Variants in MAN2B1 observed in about 807,000 individuals in gnomAD.
MAN2B1 encodes the protein mannosidase alpha class 2B member 1.
Under a neutral mutation model 127.5 loss-of-function variants are expected in MAN2B1, and 99 were observed. The observed-to-expected ratio is 0.78, with a 90% CI of 0.66 to 0.92. MAN2B1 has a LOEUF of 0.92. Ranked by LOEUF, MAN2B1 falls within the 40% of genes least tolerant of loss-of-function variation. The pLI, the probability that MAN2B1 is intolerant of heterozygous loss-of-function variation, is 0.00. For synonymous variants in MAN2B1, 573 were observed against 568.8 expected (o/e 1.01, Z -0.11); for missense variants, 1,304 against 1,384.8 (o/e 0.94, Z 0.93).
At position 12,648,060 on chromosome 19, in the gene MAN2B1, T is replaced by C. The variant is rs550096334; in HGVS notation, c.2664+115A>G. On this transcript the variant is annotated intron_variant, in intron 21 of 23. Transcript: ENST00000456935. ...CAGGGGATGGGGTTGGCCCGAGGGT[T>C]TGGGGCTAATTATGGCCAAATGGAT... 2.5e-3 allele frequency: 2,803 copies of C among 1,114,566 alleles called. 56 individuals are homozygous for C. The South Asian group carries it at 0.035, about 14-fold the overall frequency. The allele number at this position is 1,114,566 out of a possible 1,614,324, so 69.0% of individuals were successfully genotyped here. A position where few individuals can be genotyped will look rare whatever the true frequency, so the allele number is the denominator to read the frequency against.
At chr19:12,664,069 T>A (rs1446944809) in intron 4 of MAN2B1, among the ~76,000 whole-genome samples, 2 of 152,094 alleles carry the variant, frequency 1.3e-5, no homozygotes, top group Non-Finnish European at 2.9e-5. Context: ...CTACAAAAAA[T>A]TTAAAAATTA....
At chr19:12,650,801 G>GC (rs2023827499) in intron 16 of MAN2B1, among the ~76,000 whole-genome samples, 2 of 151,738 alleles carry the variant, frequency 1.3e-5, no homozygotes, top group Non-Finnish European at 2.9e-5. Flanking sequence ...CTCCCGAGTA[G>GC]AGGGATTGCA....
At chr19:12,664,587 T>C (rs1317842871) in intron 4 of MAN2B1, among the ~76,000 whole-genome samples, 1 of 152,126 alleles carries the variant, frequency 6.6e-6, no homozygotes, top group Non-Finnish European at 1.5e-5. Flanking sequence ...CAGCCGGAGC[T>C]GGGTCAGCCT....
chr19:12,666,392 C>T, intron 1 of MAN2B1, 151 bp downstream of exon 1: 1 of 860,066 alleles, frequency 1.2e-6, no homozygotes. Context: ...ACAGCCAGAC[C>T]TCGCAATGAC....
chr19:12,648,052 C>T (rs1460783791), intron 21 of MAN2B1, 123 bp downstream of exon 21: 11 of 1,049,592 alleles, frequency 1.0e-5, no homozygotes, highest in South Asian at 9.6e-5. Flanking sequence ...TGGGGTTGGC[C>T]CGAGGGTTTG....
rs750511907 is a variant in MAN2B1, at chr19:12,666,578, G to A, written c.124C>T (p.Leu42=). 1.9e-6 allele frequency: 3 copies of A among 1,587,638 alleles called. No homozygotes were observed. Among genetic ancestry groups the A allele is most frequent in the South Asian group, 1.1e-5 (1 of 87,722 alleles). Residue 42 remains leucine, a synonymous_variant, in exon 1 of 24, where the codon CTG becomes TTG. Coordinates refer to ENST00000456935, the MANE Select transcript of MAN2B1 (RefSeq NM_000528.4). ...LPPLCFFLLL[L]AAAGARAGGY... is the part of the protein sequence containing the mutation. The stretch of plus-strand genomic sequence containing the variant: ...CCGGCCCGAGCACCGGCAGCCGCCA[G>A]CAACAAAAGGAAAAAGCAGAGAGGC...
intron 11 of MAN2B1, 32 bp downstream of exon 11, chr19:12,657,414 C>T (rs889829226): frequency 6.5e-6 from 10 of 1,528,364 alleles, no homozygotes; most frequent in African/African-American, 2.8e-5. Flanking sequence ...CCTGTCTCCA[C>T]CCCCGTGTCT....
In MAN2B1 at chr19:12,661,258, A is replaced by C. The variant is rs369099686; in HGVS notation, c.1026+2T>G. On this transcript the variant is annotated splice_donor_variant, in intron 7 of 23. Coordinates refer to ENST00000456935, the MANE Select transcript of MAN2B1 (RefSeq NM_000528.4). LOFTEE classifies it high-confidence loss of function. The stretch of plus-strand genomic sequence containing the variant: ...AGGGTACCACAGGGTAGGCGCACTG[A>C]CCTGCGCATTTACCAGCCGGATGAG... 6.2e-6 allele frequency: 10 copies of C among 1,601,304 alleles called. No homozygotes were observed. Among genetic ancestry groups the C allele is most frequent in the Non-Finnish European group, 8.6e-6 (10 of 1,168,386 alleles).
chr19:12,656,356 C>CAAA (rs372686781), intron 13 of MAN2B1: 111 of 391,094 alleles, frequency 2.8e-4, no homozygotes, highest in East Asian at 6.3e-4. Flanking sequence ...GACTCCGTCT[C>CAAA]AAAAAAAAAA....
At chr19:12,656,507 G>A in intron 13 of MAN2B1, 64 bp downstream of exon 13, 1 of 1,122,018 alleles carries the variant, frequency 8.9e-7, no homozygotes, top group Non-Finnish European at 1.4e-6. Context: ...ATCCATGGGG[G>A]CGATGAGGAA....
chr19:12,650,671 T>C (rs1353024640), intron 16 of MAN2B1, among the ~76,000 whole-genome samples: 1 of 150,376 alleles, frequency 6.6e-6, no homozygotes, highest in East Asian at 2.0e-4. Flanking sequence ...ATAATTCTTT[T>C]TTCTTTTTTT....
Position 12,650,961 on chromosome 19 carries a change from T to C in MAN2B1, c.2047-739A>G, listed in dbSNP as rs190526126. ...TGCTGGGATTACAGGCGTGAGCCAC[T>C]GCACCCGGCCTCTTTTTTTTTTTTT... On this transcript the variant is annotated intron_variant, in intron 16 of 23. Transcript: ENST00000456935. Among the ~76,000 whole-genome samples the C allele has an allele frequency of 9.6e-4, 144 of 150,288 alleles. 5 individuals are homozygous for C. Among genetic ancestry groups the C allele is most frequent in the African/African-American group, 3.4e-3 (140 of 40,622 alleles).
rs758755293 is a variant in MAN2B1, at chr19:12,646,664, G to C, written c.2992C>G (p.Arg998Gly). The C allele has an allele frequency of 6.2e-7, 1 of 1,614,072 alleles. No homozygotes were observed. Among genetic ancestry groups the C allele is most frequent in the Admixed American group, 1.7e-5 (1 of 60,014 alleles). Reference protein sequence around the residue: ...ANITLEPMEIRTFLASVQWKE... With the variant: ...ANITLEPMEIGTFLASVQWKE... The stretch of plus-strand genomic sequence containing the variant: ...CATTGAACTGAGGCCAGGAAAGTGC[G>C]GATTTCCATGGGTTCCAGCGTGATG... The change falls in exon 24 of 24, where the codon CGC (arginine) becomes GGC (glycine). Residue 998 changes from arginine to glycine, a missense_variant. Arg to Gly is a moderately radical substitution (Grantham distance 125, BLOSUM62 -2). Transcript: ENST00000456935.
At position 12,658,424 on chromosome 19, in the gene MAN2B1, A is replaced by G. The variant is rs746530901; in HGVS notation, c.1109+4T>C. 1.2e-5 allele frequency: 19 copies of G among 1,614,062 alleles called. No individual in the cohort carries two copies. Among genetic ancestry groups the G allele is most frequent in the African/African-American group, 2.7e-5 (2 of 74,934 alleles). ...CCCCCAAGCTCCCCAGTTTCCCCAA[A>G]TACCAGGTGAGGTTGGCCTTGTTCA... On this transcript the variant is annotated splice_donor_region_variant and intron_variant, in intron 8 of 23. Transcript: ENST00000456935.
rs547901419 is a variant in MAN2B1 at position 12,666,472 on chromosome 19, C to T, written c.159+71G>A. The T allele has an allele frequency of 7.2e-6, 11 of 1,529,722 alleles. No homozygotes were observed. The East Asian group carries it at 2.4e-4, about 34-fold the overall frequency. 94.8% of individuals were successfully genotyped at this position (1,529,722 alleles called of 1,614,324 possible). A position where few individuals can be genotyped will look rare whatever the true frequency, so the allele number is the denominator to read the frequency against. On this transcript the variant is annotated intron_variant, in intron 1 of 23. Coordinates refer to ENST00000456935, the MANE Select transcript of MAN2B1 (RefSeq NM_000528.4). The stretch of plus-strand genomic sequence containing the variant: ...ACTAGACACCCACAGGACAGACCCA[C>T]CCACACCTCTAGACTGTATTCTGGG...
rs2024027049 is a variant in MAN2B1, at chr19:12,658,421, C to G, written c.1109+7G>C. ...ACCCCCCCAAGCTCCCCAGTTTCCC[C>G]AAATACCAGGTGAGGTTGGCCTTGT... On this transcript the variant is annotated splice_region_variant and intron_variant, in intron 8 of 23. Coordinates refer to ENST00000456935, the MANE Select transcript of MAN2B1 (RefSeq NM_000528.4). 1 of 1,614,222 alleles carries G rather than the reference C, an allele frequency of 6.2e-7. No homozygotes were observed. The highest frequency in any genetic ancestry group is 8.5e-7 in the Non-Finnish European group (1 of 1,180,042).
At chr19:12,648,089 C>T (rs1250491427) in intron 21 of MAN2B1, 86 bp downstream of exon 21, 3 of 1,343,812 alleles carry the variant, frequency 2.2e-6, no homozygotes, top group South Asian at 1.3e-5. Context: ...AATGGATCCC[C>T]GCTGAGCCTA....
chr19:12,655,556 G>C lies in MAN2B1; in HGVS notation c.1830+138C>G, dbSNP rs8107642. On this transcript the variant is annotated intron_variant, in intron 14 of 23. Transcript: ENST00000456935. ...ACTGAGGCTCAGACAAAGGTCACTT[G>C]CTCAAGGACACACAATGAGGGGAGT... 2.3e-5 allele frequency: 19 copies of C among 831,972 alleles called. No homozygotes were observed. The Middle Eastern group carries it at 1.1e-3, about 47-fold the overall frequency. The allele number at this position is 831,972 out of a possible 1,614,324, so 51.5% of individuals were successfully genotyped here. A position where few individuals can be genotyped will look rare whatever the true frequency, so the allele number is the denominator to read the frequency against.
intron 21 of MAN2B1, 85 bp downstream of exon 21, chr19:12,648,090 G>A (rs1189739352): frequency 1.5e-6 from 2 of 1,345,946 alleles, no homozygotes; most frequent in Non-Finnish European, 2.0e-6. Context: ...ATGGATCCCC[G>A]CTGAGCCTAG....
Sources: gnomAD v4.1 joint callset for allele counts (sites outside exome capture counted in the v4.1 genomes callset) on GRCh38, gnomAD v4.1.1 for gene constraint, MANE v1.5 for transcripts, NCBI Gene and HGNC (gene_info 2026-07-23, HGNC 2026-07-21) for gene names.